EIF4G3: variants seen among roughly 807,000 people sequenced by gnomAD.
EIF4G3 encodes the protein eIF-4-gamma 3.
Under a neutral mutation model 186.4 loss-of-function variants are expected in EIF4G3, and 34 were observed. The ratio of observed to expected loss-of-function variants is 0.18; its 90% CI spans 0.14 to 0.24. EIF4G3 has a LOEUF of 0.24. EIF4G3 is among the 10% of genes least tolerant of loss of function. EIF4G3 has a pLI of 1.00. For synonymous variants in EIF4G3, 673 were observed against 679.5 expected, an observed-to-expected ratio of 0.99 and a Z score of 0.15; for missense variants, 1,536 against 1,948.5, an observed-to-expected ratio of 0.79 and a Z score of 3.99.
rs951095938 is a variant in EIF4G3 at position 20,827,548 on chromosome 1, T to C, written c.4269+69A>G. The C allele has an allele frequency of 1.4e-5, 14 of 966,126 alleles. No individual in the cohort carries two copies. In the Admixed American group the frequency reaches 2.5e-4, roughly 17 times the overall value. 59.8% of individuals were successfully genotyped at this position (966,126 alleles called of 1,614,324 possible). ...CCCTGAGACCTAAGCTATTCACAGATAACCCAAGATCAAGATCACTGCCCT... is the reference window on the plus strand; with the variant it reads ...CCCTGAGACCTAAGCTATTCACAGACAACCCAAGATCAAGATCACTGCCCT... On this transcript the variant is annotated intron_variant, in intron 32 of 36. Coordinates refer to ENST00000602326, the MANE Select transcript of EIF4G3 (RefSeq NM_001391906.1).
intron 14 of EIF4G3, among the ~76,000 whole-genome samples, chr1:20,933,657 T>C (rs909760870): frequency 1.3e-5 from 2 of 151,114 alleles, no homozygotes; most frequent in Non-Finnish European, 3.0e-5. Context: ...CTCTATCTTG[T>C]GGGGGGAAAA....
intron 35 of EIF4G3, 59 bp downstream of exon 35, chr1:20,813,099 A>G: frequency 3.5e-6 from 4 of 1,156,582 alleles, no homozygotes; most frequent in Non-Finnish European, 5.2e-6. Flanking sequence ...CTGTATACTT[A>G]GTAGTTGACA....
chr1:21,111,887 G>A (rs1360154633), intron 2 of EIF4G3, among the ~76,000 whole-genome samples: 1 of 152,202 alleles, frequency 6.6e-6, no homozygotes, highest in Admixed American at 6.5e-5. Flanking sequence ...TCTGCTCAAA[G>A]TATTTTTCAC....
chr1:21,032,043 A>G (rs1041093151), intron 4 of EIF4G3, among the ~76,000 whole-genome samples: 1 of 152,208 alleles, frequency 6.6e-6, no homozygotes, highest in Non-Finnish European at 1.5e-5. Context: ...AAGAAAACGT[A>G]TTCAATAAAA....
At chr1:21,089,576 G>C (rs1168379122) in intron 2 of EIF4G3, among the ~76,000 whole-genome samples, 1 of 152,078 alleles carries the variant, frequency 6.6e-6, no homozygotes, top group Non-Finnish European at 1.5e-5. Flanking sequence ...CAAACTGAGA[G>C]AATCACTTAA....
At chr1:21,114,523 C>G (rs993312118) in intron 2 of EIF4G3, among the ~76,000 whole-genome samples, 3 of 152,182 alleles carry the variant, frequency 2.0e-5, no homozygotes, top group Admixed American at 6.5e-5. Flanking sequence ...AATATCCAAG[C>G]ATAAATAACC....
At chr1:21,098,922 C>T (rs923480686) in intron 2 of EIF4G3, among the ~76,000 whole-genome samples, 2 of 152,156 alleles carry the variant, frequency 1.3e-5, no homozygotes, top group Non-Finnish European at 2.9e-5. Flanking sequence ...TAGGCACGAC[C>T]CACTGTGCCT....
chr1:20,861,369 G>C (rs2076282437), intron 23 of EIF4G3, among the ~76,000 whole-genome samples: 1 of 151,906 alleles, frequency 6.6e-6, no homozygotes, highest in Admixed American at 6.6e-5. Flanking sequence ...ACTGCACCCG[G>C]TAAGAGAAAT....
intron 16 of EIF4G3, 130 bp downstream of exon 16, chr1:20,899,567 C>A: frequency 8.4e-7 from 1 of 1,190,606 alleles, no homozygotes; most frequent in East Asian, 2.4e-5. Flanking sequence ...GCTTGCTGAT[C>A]TGTCCTGTAA....
At chr1:20,947,221 G>A (rs966720137) in intron 13 of EIF4G3, among the ~76,000 whole-genome samples, 2 of 152,034 alleles carry the variant, frequency 1.3e-5, no homozygotes, top group Non-Finnish European at 2.9e-5. Context: ...GTTCATGCCT[G>A]TAGCTCCAGC....
intron 2 of EIF4G3, among the ~76,000 whole-genome samples, chr1:21,114,171 C>T (rs1277993140): frequency 1.3e-5 from 2 of 149,750 alleles, no homozygotes; most frequent in African/African-American, 4.9e-5. Flanking sequence ...TTCCTTGAGA[C>T]GAGTCTCGCT....
chr1:20,943,967 A>G (rs1216109082), intron 13 of EIF4G3, among the ~76,000 whole-genome samples: 1 of 65,316 alleles, frequency 1.5e-5, no homozygotes, highest in East Asian at 3.8e-4. Flanking sequence ...ACTTGTCTTT[A>G]TTTTTTTTGT....
At position 21,176,371 on chromosome 1, in the gene EIF4G3, C is replaced by G. The variant is rs1235124144; in HGVS notation, c.-455-13G>C. The G allele has an allele frequency of 3.9e-6, 1 of 257,490 alleles. No homozygotes were observed. Among genetic ancestry groups the G allele is most frequent in the Non-Finnish European group, 7.2e-6 (1 of 138,902 alleles). The allele number at this position is 257,490 out of a possible 1,614,324, so 16.0% of individuals were successfully genotyped here. A position where few individuals can be genotyped will look rare whatever the true frequency, so the allele number is the denominator to read the frequency against. ...GCAGTCGCTGTGCCTGATTTCAGAG[C>G]CGGTTTCTGCGGTAAACTCATGGCA... On this transcript the variant is annotated splice_polypyrimidine_tract_variant and intron_variant, in intron 1 of 36. Transcript: ENST00000602326.
chr1:20,904,415 A>C (rs1197014858), intron 15 of EIF4G3, among the ~76,000 whole-genome samples: 1 of 152,130 alleles, frequency 6.6e-6, no homozygotes, highest in Non-Finnish European at 1.5e-5. Flanking sequence ...GCATGATCAC[A>C]TCTCACTGCA....
intron 14 of EIF4G3, 70 bp from the exon 15 acceptor site, chr1:20,905,041 T>C: frequency 8.9e-7 from 1 of 1,127,940 alleles, no homozygotes. Context: ...GTCTAAGTGA[T>C]ACCTATATTC....
chr1:20,909,151 C>CA (rs750457963), intron 14 of EIF4G3, among the ~76,000 whole-genome samples: 212 of 120,534 alleles, frequency 1.8e-3, no homozygotes, highest in Middle Eastern at 4.3e-3. Context: ...GACTCCATTT[C>CA]AAAAAAAAAA....
chr1:20,892,821 T>TATCAAGG, intron 18 of EIF4G3: 1 of 876,358 alleles, frequency 1.1e-6, no homozygotes. Context: ...ACAGGAATCT[T>TATCAAGG]ATCAAGGTTG....
rs3051243 is a variant in EIF4G3 at position 20,863,378 on chromosome 1, T to TAAAAAAAAAA, written c.3007-1056_3007-1047dup. Among the ~76,000 whole-genome samples the TAAAAAAAAAA allele has an allele frequency of 8.9e-4, 91 of 102,476 alleles. 1 individual carries two copies. Among genetic ancestry groups the TAAAAAAAAAA allele is most frequent in the Non-Finnish European group, 1.3e-3 (68 of 53,642 alleles). 67.2% of individuals were successfully genotyped at this position (102,476 alleles called of 152,430 possible). A position where few individuals can be genotyped will look rare whatever the true frequency, so the allele number is the denominator to read the frequency against. On this transcript the variant is annotated intron_variant, in intron 22 of 36. Transcript: ENST00000602326. Reference sequence around the variant, plus strand: ...TGAGACCCATCATCTCTACAAAAAGTAAAAAAAAAAAAAAAAAAAAAAAAT... The same window carrying TAAAAAAAAAA: ...TGAGACCCATCATCTCTACAAAAAGTAAAAAAAAAAAAAAAAAAAAAAAAAAAAAAAAAAT...
At chr1:21,026,591 C>A (rs1026798038) in intron 4 of EIF4G3, among the ~76,000 whole-genome samples, 1 of 150,816 alleles carries the variant, frequency 6.6e-6, no homozygotes, top group Non-Finnish European at 1.5e-5. Flanking sequence ...AGATATTACA[C>A]CAAGAGAGTC....
Sources: gnomAD v4.1 joint callset for allele counts (sites outside exome capture counted in the v4.1 genomes callset) on GRCh38, gnomAD v4.1.1 for gene constraint, MANE v1.5 for transcripts, NCBI Gene and HGNC (gene_info 2026-07-23, HGNC 2026-07-21) for gene names.